KATNAL1: variants seen among roughly 807,000 people sequenced by gnomAD.
KATNAL1 encodes the protein katanin p60 ATPase-containing subunit A-like 1.
In KATNAL1, 32 loss-of-function variants were observed where a neutral mutation model predicts 55.2. That is an observed-to-expected ratio of 0.58 (90% CI 0.44 to 0.78). KATNAL1 has a LOEUF of 0.78. Ranked by LOEUF, KATNAL1 falls within the 30% of genes least tolerant of loss-of-function variation. The pLI is 0.00. For synonymous variants in KATNAL1, 193 were observed against 193.6 expected (o/e 1.00, Z 0.02); for missense variants, 466 against 600.9 (o/e 0.78, Z 2.35).
At chr13:30,214,144 C>A (rs1286409444) in intron 9 of KATNAL1, among the ~76,000 whole-genome samples, 1 of 151,874 alleles carries the variant, frequency 6.6e-6, no homozygotes, top group East Asian at 1.9e-4. Flanking sequence ...ACAAACAGAG[C>A]CAAATCATGA....
At chr13:30,217,782 C>A (rs561195418) in intron 9 of KATNAL1, among the ~76,000 whole-genome samples, 1 of 152,042 alleles carries the variant, frequency 6.6e-6, no homozygotes, top group African/African-American at 2.4e-5. Context: ...GCTGTCATGA[C>A]GGTTAGGTGA....
At chr13:30,280,433 A>G (rs755625351) in intron 2 of KATNAL1, among the ~76,000 whole-genome samples, 6 of 152,208 alleles carry the variant, frequency 3.9e-5, no homozygotes, top group Non-Finnish European at 7.3e-5. Flanking sequence ...ATACCTTTTA[A>G]TAAGTAGTTA....
At chr13:30,240,846 T>C in intron 5 of KATNAL1, 113 bp downstream of exon 5, 1 of 963,108 alleles carries the variant, frequency 1.0e-6, no homozygotes. Context: ...ACTTTCATAT[T>C]ATAGATGTGG....
intron 9 of KATNAL1, among the ~76,000 whole-genome samples, chr13:30,222,237 G>A (rs999316749): frequency 5.3e-5 from 8 of 152,008 alleles, no homozygotes; most frequent in East Asian, 3.8e-4. Context: ...TGCCCCCACC[G>A]CCCACACTGG....
chr13:30,220,470 A>G (rs1874737128), intron 9 of KATNAL1, among the ~76,000 whole-genome samples: 1 of 152,136 alleles, frequency 6.6e-6, no homozygotes, highest in Non-Finnish European at 1.5e-5. Flanking sequence ...CAAAAAAACA[A>G]ACAAACAAAA....
rs1157612320 is a variant in KATNAL1 at position 30,274,306 on chromosome 13, T to A, written c.323+5757A>T. On this transcript the variant is annotated intron_variant, in intron 3 of 10. Coordinates refer to ENST00000380615, the MANE Select transcript of KATNAL1 (RefSeq NM_032116.5). The stretch of plus-strand genomic sequence containing the variant: ...CCTTAATTGATCTTTTCACTGCAAT[T>A]TGGGATGTAAAATACTGCCAGTTAA... Among the ~76,000 whole-genome samples, 5 of 152,200 alleles carry A rather than the reference T, an allele frequency of 3.3e-5. No homozygotes were observed. The East Asian group carries it at 5.8e-4, about 18-fold the overall frequency.
intron 3 of KATNAL1, among the ~76,000 whole-genome samples, chr13:30,259,680 G>A (rs751528525): frequency 8.5e-5 from 13 of 152,270 alleles, no homozygotes; most frequent in Middle Eastern, 3.4e-3. Flanking sequence ...TAAAAAACGC[G>A]GCACCAGGAG....
intron 10 of KATNAL1, among the ~76,000 whole-genome samples, chr13:30,209,356 C>T (rs532703697): frequency 3.3e-5 from 5 of 152,138 alleles, no homozygotes; most frequent in Non-Finnish European, 5.9e-5. Context: ...GAAGGCCAAG[C>T]CAACAAAAAT....
intron 6 of KATNAL1, among the ~76,000 whole-genome samples, chr13:30,236,818 G>C (rs761177332): frequency 1.3e-5 from 2 of 152,142 alleles, no homozygotes; most frequent in African/African-American, 2.4e-5. Context: ...CAGCCACACT[G>C]AACTACACAA....
At chr13:30,287,936 G>A (rs1368845483) in intron 1 of KATNAL1, among the ~76,000 whole-genome samples, 1 of 152,104 alleles carries the variant, frequency 6.6e-6, no homozygotes, top group Non-Finnish European at 1.5e-5. Context: ...CTTATATAAT[G>A]AGACAAAAAA....
At chr13:30,274,893 G>GCA (rs1880666129) in intron 3 of KATNAL1, among the ~76,000 whole-genome samples, 2 of 100,904 alleles carry the variant, frequency 2.0e-5, no homozygotes, top group Admixed American at 9.6e-5. Context: ...ACACACATAC[G>GCA]CGCGCGCGCG....
intron 6 of KATNAL1, among the ~76,000 whole-genome samples, chr13:30,232,844 TAAGGA>T (rs1876244959): frequency 6.6e-6 from 1 of 152,142 alleles, no homozygotes; most frequent in Non-Finnish European, 1.5e-5. Flanking sequence ...AAAAATCCCT[TAAGGA>T]AAGAACAGTC....
chr13:30,216,602 A>G (rs1874265382), intron 9 of KATNAL1, among the ~76,000 whole-genome samples: 1 of 152,194 alleles, frequency 6.6e-6, no homozygotes, highest in African/African-American at 2.4e-5. Context: ...CCTTGATCCC[A>G]GCCAACAGGC....
rs771085389 is a variant in KATNAL1, at chr13:30,255,529, C to G, written c.410G>C (p.Gly137Ala). 6.3e-7 allele frequency: 1 copy of G among 1,598,982 alleles called. No homozygotes were observed. Among genetic ancestry groups the G allele is most frequent in the Non-Finnish European group, 8.5e-7 (1 of 1,172,504 alleles). ...MAGVGARGPV[G>A]RAHPISKSEK... ...ACTCTTTGATATAGGATGTGCTCGGCCTACAGGTCCCCGGGCTCCTACTCC... is the reference window on the plus strand; with the variant it reads ...ACTCTTTGATATAGGATGTGCTCGGGCTACAGGTCCCCGGGCTCCTACTCC... Residue 137 changes from glycine to alanine, a missense_variant, in exon 4 of 11, where the codon GGC (glycine) becomes GCC (alanine). Transcript: ENST00000380615.
intron 9 of KATNAL1, among the ~76,000 whole-genome samples, chr13:30,211,138 T>C (rs1256916509): frequency 6.6e-6 from 1 of 152,220 alleles, no homozygotes; most frequent in Non-Finnish European, 1.5e-5. Context: ...GCATTACTAG[T>C]TTATCTGGCG....
intron 4 of KATNAL1, among the ~76,000 whole-genome samples, chr13:30,253,460 T>C (rs1030457411): frequency 3.9e-5 from 6 of 152,002 alleles, no homozygotes; most frequent in Non-Finnish European, 7.4e-5. Context: ...AAAAAATGTA[T>C]TGACCATCCT....
chr13:30,295,383 T>C (rs985000299), intron 1 of KATNAL1, among the ~76,000 whole-genome samples: 4 of 152,182 alleles, frequency 2.6e-5, no homozygotes, highest in Admixed American at 6.5e-5. Context: ...TTGGAGGAAA[T>C]CACTGCAGAT....
chr13:30,262,546 G>A (rs1320454499), intron 3 of KATNAL1, among the ~76,000 whole-genome samples: 7 of 152,094 alleles, frequency 4.6e-5, no homozygotes, highest in East Asian at 1.9e-4. Context: ...TATCACCACC[G>A]ATCCCACAGA....
At chr13:30,283,855 C>T in intron 1 of KATNAL1, 64 bp from the exon 2 acceptor site, 25 of 928,736 alleles carry the variant, frequency 2.7e-5, no homozygotes, top group Middle Eastern at 3.2e-4. Flanking sequence ...ATTTATTATT[C>T]TTTAAAATAT....
Sources: allele counts gnomAD v4.1 joint callset (sites outside exome capture counted in the v4.1 genomes callset), GRCh38; gene constraint gnomAD v4.1.1; transcripts MANE v1.5; gene names NCBI Gene and HGNC (gene_info 2026-07-23, HGNC 2026-07-21).